Variants in ATG13 observed in about 807,000 individuals in gnomAD.
The protein encoded by ATG13 is autophagy related 13.
A neutral mutation model predicts 65.5 loss-of-function variants in ATG13; 23 were observed. The ratio of observed to expected loss-of-function variants is 0.35; its 90% CI spans 0.25 to 0.50. The LOEUF is 0.50. Among genes scored for constraint, ATG13 ranks in the 20% least tolerant of loss-of-function variants. ATG13 has a pLI of 0.98. For missense variants in ATG13, 566 were observed against 677.0 expected, an observed-to-expected ratio of 0.84 and a Z score of 1.82; for synonymous variants, 252 against 245.2, an observed-to-expected ratio of 1.03 and a Z score of -0.26.
chr11:46,671,993 G>T (rs965123144), intron 18 of ATG13, among the ~76,000 whole-genome samples: 3 of 152,226 alleles, frequency 2.0e-5, no homozygotes, highest in African/African-American at 7.2e-5. Flanking sequence ...TCTTGCTCTT[G>T]TGGTCCTTTT....
At position 46,646,330 on chromosome 11, in the gene ATG13, G is replaced by T. The variant is rs192017509; in HGVS notation, c.270+341G>T. Among the ~76,000 whole-genome samples, 21 of 152,176 alleles carry T rather than the reference G, an allele frequency of 1.4e-4. No individual in the cohort carries two copies. The East Asian group carries it at 3.9e-3, about 28-fold the overall frequency. On this transcript the variant is annotated intron_variant, in intron 5 of 18. Transcript: ENST00000683050. ...TGCCTGGCTAATTTTTGTATTTTTA[G>T]TAGAGACAAGGTTTCGCCATGTTAA...
chr11:46,629,073 G>C (rs919611236), intron 1 of ATG13, among the ~76,000 whole-genome samples: 2 of 151,830 alleles, frequency 1.3e-5, no homozygotes, highest in Non-Finnish European at 2.9e-5. Context: ...CTTCCAAGCA[G>C]CTGGAACTAC....
At chr11:46,670,878 T>G (rs1433436019) in intron 18 of ATG13, among the ~76,000 whole-genome samples, 1 of 152,180 alleles carries the variant, frequency 6.6e-6, no homozygotes, top group African/African-American at 2.4e-5. Flanking sequence ...CTAAGTGTTT[T>G]ACATGAATCT....
rs755919201 is a variant in ATG13 at position 46,657,144 on chromosome 11, C to T, written c.549C>T (p.Ile183=). 55 of 1,614,046 alleles carry T rather than the reference C, an allele frequency of 3.4e-5. No individual in the cohort carries two copies. In the East Asian group the frequency reaches 9.8e-4, roughly 29 times the overall value. The change falls in exon 9 of 19, where the codon ATC becomes ATT. Residue 183 remains isoleucine (I), a synonymous_variant. Transcript: ENST00000683050. ...CAGTGGGCACCCCTGTGGGCACCAT[C>T]ACTCTTTCTTGTGCTTACAGAATTA... ...VGTVGTPVGT[I]TLSCAYRINL... is the part of the protein sequence containing the mutation.
At chr11:46,656,882 A>T (rs1035843970) in intron 8 of ATG13, 1 of 556,952 alleles carries the variant, frequency 1.8e-6, no homozygotes, top group African/African-American at 1.9e-5. Flanking sequence ...AATATAGAAT[A>T]CATTGAGAGG....
At chr11:46,656,412 G>GGTA (rs2060056727) in intron 8 of ATG13, 139 bp downstream of exon 8, 2 of 888,686 alleles carry the variant, frequency 2.3e-6, no homozygotes, top group African/African-American at 3.4e-5. Flanking sequence ...TGAGAATGCA[G>GGTA]GTAGGTGGTC....
At chr11:46,648,982 G>T in intron 5 of ATG13, 155 bp from the exon 6 acceptor site, 1 of 543,630 alleles carries the variant, frequency 1.8e-6, no homozygotes. Flanking sequence ...GACTGTGATT[G>T]CCCTTTTATT....
chr11:46,625,119 G>A (rs1452256664), intron 1 of ATG13, among the ~76,000 whole-genome samples: 3 of 151,008 alleles, frequency 2.0e-5, no homozygotes, highest in Non-Finnish European at 4.4e-5. Context: ...CTTGAAGCCA[G>A]GAGTTCCAGA....
chr11:46,648,973 A>C (rs369395722), intron 5 of ATG13, 164 bp from the exon 6 acceptor site: 37 of 516,892 alleles, frequency 7.2e-5, no homozygotes, highest in Non-Finnish European at 1.1e-4. Context: ...TAGCATATAG[A>C]CTGTGATTGC....
At chr11:46,623,921 C>CT (rs75003468) in intron 1 of ATG13, among the ~76,000 whole-genome samples, 255 of 141,750 alleles carry the variant, frequency 1.8e-3, no homozygotes, top group East Asian at 5.3e-3. Context: ...CATTCTTATT[C>CT]TTTTTTTTTT....
chr11:46,651,366 G>T (rs897939130), intron 7 of ATG13, among the ~76,000 whole-genome samples: 4 of 152,224 alleles, frequency 2.6e-5, no homozygotes, highest in African/African-American at 9.6e-5. Context: ...ATTTGAGCTG[G>T]TAAAAGTGAG....
chr11:46,631,980 G>C (rs1192218192), intron 2 of ATG13, among the ~76,000 whole-genome samples: 1 of 152,192 alleles, frequency 6.6e-6, no homozygotes, highest in Non-Finnish European at 1.5e-5. Flanking sequence ...ATTTGCAAAA[G>C]TGATGTGCAG....
intron 1 of ATG13, among the ~76,000 whole-genome samples, chr11:46,623,187 T>C (rs2048341905): frequency 6.6e-6 from 1 of 151,706 alleles, no homozygotes; most frequent in Non-Finnish European, 1.5e-5. Flanking sequence ...CCAGCTATTC[T>C]GGAGGCTGAG....
chr11:46,649,170 G>A lies in ATG13; in HGVS notation c.304G>A (p.Glu102Lys). ...CATGGAGCTGGAAATATGGTGTCTT[G>A]AAATGAATGAAAAGTAAGTGCTGCG... is the stretch of plus-strand genomic sequence containing the variant. The part of the protein sequence containing the change: ...DSMELEIWCL[E>K]MNEKCDKEIK... Residue 102 changes from glutamate (E) to lysine (K), a missense_variant, in exon 6 of 19, where the codon GAA becomes AAA. Physicochemically the swap from Glu to Lys is moderately conservative, Grantham distance 56. Coordinates refer to ENST00000683050, the MANE Select transcript of ATG13 (RefSeq NM_001346311.2). 1 of 1,613,354 alleles carries A rather than the reference G, an allele frequency of 6.2e-7. No homozygotes were observed. Among genetic ancestry groups the A allele is most frequent in the Non-Finnish European group, 8.5e-7 (1 of 1,179,610 alleles).
chr11:46,665,861 G>C (rs1039814450), intron 14 of ATG13, among the ~76,000 whole-genome samples: 14 of 135,450 alleles, frequency 1.0e-4, no homozygotes, highest in African/African-American at 4.0e-4. Context: ...CTGAAGTGCA[G>C]TGGTACAATC....
intron 2 of ATG13, among the ~76,000 whole-genome samples, chr11:46,643,205 G>T (rs918327057): frequency 1.3e-5 from 2 of 152,136 alleles, no homozygotes; most frequent in Non-Finnish European, 2.9e-5. Flanking sequence ...GGAGTTCAGG[G>T]GTTGGGGGTT....
At chr11:46,651,677 T>A (rs2058931133) in intron 7 of ATG13, among the ~76,000 whole-genome samples, 4 of 152,202 alleles carry the variant, frequency 2.6e-5, no homozygotes, top group Admixed American at 2.6e-4. Context: ...CTAGTTCTGT[T>A]GAAATAATCC....
chr11:46,669,995 C>T (rs921230198), intron 18 of ATG13, among the ~76,000 whole-genome samples: 17 of 152,122 alleles, frequency 1.1e-4, no homozygotes, highest in African/African-American at 4.1e-4. Flanking sequence ...TATAATGACC[C>T]CATCTCTGCT....
At chr11:46,650,360 C>T (rs1158140800) in intron 7 of ATG13, 43 bp downstream of exon 7, 1 of 1,584,672 alleles carries the variant, frequency 6.3e-7, no homozygotes. Context: ...CATCAACCCC[C>T]TCACTTTGTA....
Sources: gnomAD v4.1 joint callset for allele counts (sites outside exome capture counted in the v4.1 genomes callset) on GRCh38, gnomAD v4.1.1 for gene constraint, MANE v1.5 for transcripts, NCBI Gene and HGNC (gene_info 2026-07-23, HGNC 2026-07-21) for gene names.